The following NBPF20 variants were observed in gnomAD, a reference collection of about 807,000 sequenced individuals.
NBPF20 encodes NBPF member 20.
In NBPF20, 90 loss-of-function variants were observed where a neutral mutation model predicts 68.1. The ratio of observed to expected loss-of-function variants is 1.32; its 90% CI spans 1.11 to 1.58. The LOEUF (loss-of-function observed/expected upper bound fraction) is 1.58. NBPF20 is among the 40% of genes most tolerant of loss of function. NBPF20 has a pLI of 0.00. For synonymous variants in NBPF20, 290 were observed against 228.1 expected (o/e 1.27, Z -2.45); for missense variants, 816 against 601.2 (o/e 1.36, Z -3.74).
At chr1:145,292,398 T>C (rs1382446377) in exon 137 of NBPF20, 5 of 685,442 alleles carry the variant, frequency 7.3e-6, no homozygotes, top group African/African-American at 6.0e-5. Flanking sequence ...ATGGTGGGTT[T>C]TGATCTTCTT....
At chr1:145,406,043 C>G (rs587672280), upstream of NBPF20, among the ~76,000 whole-genome samples, 1 of 150,234 alleles carries the variant, frequency 6.7e-6, no homozygotes, top group Admixed American at 6.6e-5. Context: ...CTCAGACTCC[C>G]AAGTAGCTGG....
At chr1:145,311,973 G>A in intron 112 of NBPF20, among the ~76,000 whole-genome samples, 1 of 89,006 alleles carries the variant, frequency 1.1e-5, no homozygotes. Flanking sequence ...CGTCATGAGA[G>A]TAGGATTAGG....
At chr1:145,405,220 A>G in exon 2 of NBPF20, 1 of 1,611,330 alleles carries the variant, frequency 6.2e-7, no homozygotes, top group Non-Finnish European at 8.5e-7. Flanking sequence ...GTTGATTTCT[A>G]GAATGTTCAT....
At chr1:145,291,261 A>G in exon 138 of NBPF20, 1 of 600,180 alleles carries the variant, frequency 1.7e-6, no homozygotes, top group East Asian at 2.9e-5. Context: ...CTACCCAGAG[A>G]TACGTGGTTC....
intron 137 of NBPF20, among the ~76,000 whole-genome samples, chr1:145,292,169 G>A (rs868951174): frequency 1.3e-5 from 2 of 149,956 alleles, no homozygotes; most frequent in South Asian, 2.1e-4. Context: ...TACAGCTTTT[G>A]AAGTATGGTC....
At chr1:145,404,345 G>A (rs1322600913) in intron 2 of NBPF20, among the ~76,000 whole-genome samples, 2 of 151,836 alleles carry the variant, frequency 1.3e-5, no homozygotes, top group African/African-American at 4.8e-5. Context: ...TGCAACATCT[G>A]CCTGCTGGGT....
At chr1:145,394,054 C>G (rs1265546977) in intron 8 of NBPF20, 119 bp from the exon 14 acceptor site, 2 of 732,948 alleles carry the variant, frequency 2.7e-6, no homozygotes, top group African/African-American at 3.5e-5. Context: ...GAACAGGAGA[C>G]TTTGAGAGAA....
chr1:145,292,058 T>A (rs1221883257), intron 137 of NBPF20, among the ~76,000 whole-genome samples: 1 of 149,154 alleles, frequency 6.7e-6, no homozygotes, highest in Middle Eastern at 3.4e-3. Flanking sequence ...ACACTCTGAG[T>A]TAGTGTCCTC....
chr1:145,406,223 C>G (rs1298020349), upstream of NBPF20, among the ~76,000 whole-genome samples: 1 of 151,600 alleles, frequency 6.6e-6, no homozygotes, highest in African/African-American at 2.4e-5. Flanking sequence ...CGTGAGCCAC[C>G]GCGCCCGGCC....
exon 138 of NBPF20, chr1:145,291,345 T>C: frequency 8.2e-7 from 1 of 1,220,242 alleles, no homozygotes; most frequent in South Asian, 1.5e-5. Flanking sequence ...CTAACGTGGG[T>C]CCATTGTCTT....
At chr1:145,400,879 C>T (rs1441227512) in intron 5 of NBPF20, among the ~76,000 whole-genome samples, 180 bp downstream of exon 10, 7 of 151,924 alleles carry the variant, frequency 4.6e-5, no homozygotes, top group Non-Finnish European at 5.9e-5. Flanking sequence ...ACGTGACACT[C>T]GGCACACACA....
upstream of NBPF20, among the ~76,000 whole-genome samples, chr1:145,408,643 T>A (rs1662899980): frequency 6.6e-6 from 1 of 151,832 alleles, no homozygotes; most frequent in Non-Finnish European, 1.5e-5. Context: ...AGCTTTCAAA[T>A]TTCTCTAAAA....
chr1:145,407,462 C>T (rs1315308456), upstream of NBPF20, among the ~76,000 whole-genome samples: 8 of 142,846 alleles, frequency 5.6e-5, no homozygotes, highest in East Asian at 4.0e-4. Context: ...CGTGTATACA[C>T]GTATATATAA....
chr1:145,406,225 C>T (rs587625128), upstream of NBPF20, among the ~76,000 whole-genome samples: 50 of 151,934 alleles, frequency 3.3e-4, no homozygotes, highest in Admixed American at 7.2e-4. Context: ...TGAGCCACCG[C>T]GCCCGGCCGA....
the NBPF20 span, among the ~76,000 whole-genome samples, chr1:145,414,929 A>G: frequency 6.6e-6 from 1 of 151,632 alleles, no homozygotes; most frequent in African/African-American, 2.4e-5. Context: ...GTGGAAGGAG[A>G]GACTTGGAAA....
At chr1:145,415,429 G>A in the NBPF20 span, among the ~76,000 whole-genome samples, 5 of 151,656 alleles carry the variant, frequency 3.3e-5, no homozygotes, top group East Asian at 3.9e-4. Flanking sequence ...ACCCTTTACG[G>A]GTGTCGGGCT....
At chr1:145,394,184 C>A (rs1553663148) in intron 8 of NBPF20, among the ~76,000 whole-genome samples, 2 of 152,134 alleles carry the variant, frequency 1.3e-5, no homozygotes, top group African/African-American at 4.8e-5. Context: ...TCCTAGGCTT[C>A]TGTACACAAA....
chr1:145,425,438 G>C, the NBPF20 span, among the ~76,000 whole-genome samples: 1 of 152,154 alleles, frequency 6.6e-6, no homozygotes, highest in Non-Finnish European at 1.5e-5. Flanking sequence ...CCCGCTCCTG[G>C]CGCCACAGGT....
upstream of NBPF20, among the ~76,000 whole-genome samples, chr1:145,409,704 A>G (rs1457776265): frequency 2.0e-5 from 3 of 151,476 alleles, no homozygotes; most frequent in Non-Finnish European, 4.4e-5. Context: ...ACCTAGACCC[A>G]TTTAGATTAA....
Sources: allele counts gnomAD v4.1 joint callset (sites outside exome capture counted in the v4.1 genomes callset), GRCh38; gene constraint gnomAD v4.1.1; transcripts MANE v1.5; gene names NCBI Gene and HGNC (gene_info 2026-07-23, HGNC 2026-07-21).